DLG2: variants seen among roughly 807,000 people sequenced by gnomAD.
DLG2 encodes the protein discs large MAGUK scaffold protein 2.
In DLG2, 45 loss-of-function variants were observed where a neutral mutation model predicts 132.5. The ratio of observed to expected loss-of-function variants is 0.34; its 90% CI spans 0.27 to 0.44. The LOEUF (loss-of-function observed/expected upper bound fraction) is 0.44. DLG2 is among the 20% of genes least tolerant of loss of function. The pLI is 1.00. For missense variants in DLG2, 1,045 were observed against 1,196.9 expected (o/e 0.87, Z 1.87); for synonymous variants, 424 against 419.6 (o/e 1.01, Z -0.13).
At chr11:85,505,757 G>A (rs972712030) in intron 3 of DLG2, among the ~76,000 whole-genome samples, 5 of 151,966 alleles carry the variant, frequency 3.3e-5, no homozygotes, top group South Asian at 2.1e-4. Context: ...GAGGATTCCC[G>A]CTTTTTCAAT....
At chr11:85,480,160 T>C (rs756578481) in intron 3 of DLG2, among the ~76,000 whole-genome samples, 16 of 152,214 alleles carry the variant, frequency 1.1e-4, no homozygotes, top group Non-Finnish European at 1.5e-4. Flanking sequence ...CATACTTTGC[T>C]GATGGAAGTA....
Position 85,490,805 on chromosome 11 carries a change from A to C in DLG2, c.40+107852T>G, listed in dbSNP as rs1360624861. ...AACAAGTAGCAAGACTGAATCACTA[A>C]TTTAAAAAACTTCCAACAAAGATGA... is the stretch of plus-strand genomic sequence containing the variant. On this transcript the variant is annotated intron_variant, in intron 3 of 27. Coordinates refer to ENST00000376104, the MANE Select transcript of DLG2 (RefSeq NM_001142699.3). Among the ~76,000 whole-genome samples, 6 of 152,104 alleles carry C rather than the reference A, an allele frequency of 3.9e-5. No individual in the cohort carries two copies. In the East Asian group the frequency reaches 1.2e-3, roughly 29 times the overall value.
intron 6 of DLG2, among the ~76,000 whole-genome samples, chr11:85,043,825 T>C (rs953780615): frequency 6.6e-6 from 1 of 151,980 alleles, no homozygotes; most frequent in Non-Finnish European, 1.5e-5. Flanking sequence ...CTTACCCAAA[T>C]ATGTGCTCAA....
At chr11:84,209,812 T>C (rs2096727442) in intron 8 of DLG2, among the ~76,000 whole-genome samples, 1 of 152,186 alleles carries the variant, frequency 6.6e-6, no homozygotes, top group East Asian at 1.9e-4. Flanking sequence ...CAACATTTAA[T>C]GTTGAAGAGG....
At chr11:84,912,816 C>A (rs1034295458) in intron 6 of DLG2, among the ~76,000 whole-genome samples, 3 of 152,168 alleles carry the variant, frequency 2.0e-5, no homozygotes, top group Non-Finnish European at 4.4e-5. Context: ...GTGACTGAGG[C>A]CATCATGAGG....
At chr11:85,523,971 T>C (rs1283507211) in intron 3 of DLG2, among the ~76,000 whole-genome samples, 1 of 152,178 alleles carries the variant, frequency 6.6e-6, no homozygotes, top group Non-Finnish European at 1.5e-5. Flanking sequence ...TAAAGTTAAA[T>C]AAGCCAGGCA....
intron 6 of DLG2, among the ~76,000 whole-genome samples, chr11:85,053,119 G>A (rs761834109): frequency 5.3e-5 from 8 of 152,052 alleles, no homozygotes; most frequent in African/African-American, 7.2e-5. Flanking sequence ...CTAGCTAATC[G>A]ACTATAAGGA....
At chr11:85,501,521 C>G (rs2093803222) in intron 3 of DLG2, among the ~76,000 whole-genome samples, 1 of 152,164 alleles carries the variant, frequency 6.6e-6, no homozygotes, top group Non-Finnish European at 1.5e-5. Flanking sequence ...ATCTATCCAT[C>G]TGACAAAGGG....
At chr11:84,474,593 T>C (rs1189809804) in intron 7 of DLG2, among the ~76,000 whole-genome samples, 1 of 152,194 alleles carries the variant, frequency 6.6e-6, no homozygotes, top group South Asian at 2.1e-4. Flanking sequence ...ATTCTATACA[T>C]GAGGCAACAG....
chr11:83,805,271 G>A (rs1355369380), intron 17 of DLG2, among the ~76,000 whole-genome samples: 1 of 151,768 alleles, frequency 6.6e-6, no homozygotes, highest in Non-Finnish European at 1.5e-5. Flanking sequence ...TTATTTTGTA[G>A]CGGGTTAAAA....
At chr11:85,265,175 T>C (rs2077142519) in intron 4 of DLG2, among the ~76,000 whole-genome samples, 1 of 152,194 alleles carries the variant, frequency 6.6e-6, no homozygotes, top group African/African-American at 2.4e-5. Flanking sequence ...AAATGCACTA[T>C]CTATATTATG....
intron 7 of DLG2, among the ~76,000 whole-genome samples, chr11:84,406,159 T>A (rs1037142726): frequency 6.6e-5 from 10 of 152,180 alleles, no homozygotes; most frequent in African/African-American, 2.4e-4. Context: ...CTGCCCTAGC[T>A]GTCACCACAC....
At position 84,163,514 on chromosome 11, in the gene DLG2, G is replaced by A. The variant is rs2095593692; in HGVS notation, c.574-3C>T. ...TATTCAATTTCTGTCCCATTGACCT[G>A]TAAATAGGGAAAAAATAAGAAGAGA... On this transcript the variant is annotated splice_polypyrimidine_tract_variant and splice_region_variant and intron_variant, in intron 8 of 27. Coordinates refer to ENST00000376104, the MANE Select transcript of DLG2 (RefSeq NM_001142699.3). 6.2e-7 allele frequency: 1 copy of A among 1,600,098 alleles called. No individual in the cohort carries two copies. The highest frequency in any genetic ancestry group is 1.1e-5 in the South Asian group (1 of 88,626).
At chr11:84,749,756 C>A (rs1326277549) in intron 6 of DLG2, among the ~76,000 whole-genome samples, 2 of 152,258 alleles carry the variant, frequency 1.3e-5, no homozygotes, top group South Asian at 2.1e-4. Flanking sequence ...ACTAAGCCTT[C>A]AGAGTTAGTT....
chr11:85,502,913 G>C (rs2093838208), intron 3 of DLG2, among the ~76,000 whole-genome samples: 1 of 151,950 alleles, frequency 6.6e-6, no homozygotes. Context: ...GCAAAGGCTG[G>C]AAACAACCCA....
intron 7 of DLG2, among the ~76,000 whole-genome samples, chr11:84,450,160 C>G (rs936236829): frequency 3.3e-5 from 5 of 151,752 alleles, no homozygotes; most frequent in African/African-American, 1.2e-4. Flanking sequence ...GCTTTGAATC[C>G]TGGTTTGCTT....
chr11:85,161,898 C>T (rs2078057133), intron 4 of DLG2, among the ~76,000 whole-genome samples: 1 of 152,184 alleles, frequency 6.6e-6, no homozygotes, highest in African/African-American at 2.4e-5. Flanking sequence ...CCAGGATTCA[C>T]AGGTCCAGGA....
intron 4 of DLG2, among the ~76,000 whole-genome samples, chr11:85,212,645 T>C (rs1232391236): frequency 6.6e-6 from 1 of 152,160 alleles, no homozygotes; most frequent in Non-Finnish European, 1.5e-5. Context: ...CATTTCTGCA[T>C]CTGCTATCAA....
chr11:84,011,276 C>G lies in DLG2; in HGVS notation c.920-30634G>C, dbSNP rs139965339. ...ACTTGAGCCCAAGAGTTTAGACCAG[C>G]CTGGGCAAAATAGCAATACCCTGTC... On this transcript the variant is annotated intron_variant, in intron 11 of 27. Coordinates refer to ENST00000376104, the MANE Select transcript of DLG2 (RefSeq NM_001142699.3). Among the ~76,000 whole-genome samples, 92 of 151,974 alleles carry G rather than the reference C, an allele frequency of 6.1e-4. 1 individual carries two copies. In the East Asian group the frequency reaches 0.016, roughly 27 times the overall value.
Sources: gnomAD v4.1 joint callset for allele counts (sites outside exome capture counted in the v4.1 genomes callset) on GRCh38, gnomAD v4.1.1 for gene constraint, MANE v1.5 for transcripts, NCBI Gene and HGNC (gene_info 2026-07-23, HGNC 2026-07-21) for gene names.